LCORL: variants seen among roughly 807,000 people sequenced by gnomAD.
LCORL encodes ligand dependent nuclear receptor corepressor like.
In LCORL, 41 loss-of-function variants were observed where a neutral mutation model predicts 141.8. The ratio of observed to expected loss-of-function variants is 0.29; its 90% CI spans 0.23 to 0.38. The LOEUF is 0.38. Among genes scored for constraint, LCORL ranks in the 10% least tolerant of loss-of-function variants. The pLI is 1.00. For missense variants in LCORL, 1,759 were observed against 2,035.0 expected (o/e 0.86, Z 2.61); for synonymous variants, 618 against 694.1 (o/e 0.89, Z 1.72).
At chr4:17,930,138 C>T (rs901899924) in intron 4 of LCORL, among the ~76,000 whole-genome samples, 8 of 152,040 alleles carry the variant, frequency 5.3e-5, no homozygotes, top group East Asian at 3.9e-4. Flanking sequence ...AAACTGGAAC[C>T]CTCATACAAT....
intron 4 of LCORL, among the ~76,000 whole-genome samples, chr4:17,924,079 A>G (rs1734731631): frequency 6.6e-6 from 1 of 151,960 alleles, no homozygotes; most frequent in South Asian, 2.1e-4. Context: ...TTTTGGCTAG[A>G]TGGTCATGGA....
intron 4 of LCORL, among the ~76,000 whole-genome samples, chr4:17,949,851 A>G (rs1247225896): frequency 1.3e-5 from 2 of 152,172 alleles, no homozygotes; most frequent in African/African-American, 4.8e-5. Context: ...TACAAACTAC[A>G]TAATTTGAGG....
At chr4:18,019,487 A>G (rs537718256) in intron 1 of LCORL, among the ~76,000 whole-genome samples, 5 of 152,374 alleles carry the variant, frequency 3.3e-5, no homozygotes, top group African/African-American at 4.8e-5. Flanking sequence ...TATTGCAATA[A>G]AAGTGTAATA....
chr4:18,011,219 T>C (rs529997801), intron 1 of LCORL, among the ~76,000 whole-genome samples: 1 of 152,282 alleles, frequency 6.6e-6, no homozygotes, highest in East Asian at 1.9e-4. Context: ...CTCCTTGTTT[T>C]ATTTCTCAAG....
chr4:18,017,052 T>C (rs1379544876), intron 1 of LCORL, among the ~76,000 whole-genome samples: 1 of 152,130 alleles, frequency 6.6e-6, no homozygotes, highest in African/African-American at 2.4e-5. Context: ...AAAATTAAGC[T>C]GGAGTATCTT....
chr4:17,908,174 A>G (rs998721855), intron 5 of LCORL, among the ~76,000 whole-genome samples: 3 of 152,098 alleles, frequency 2.0e-5, no homozygotes, highest in East Asian at 3.9e-4. Context: ...CTGGTATTAC[A>G]GGCATGTGCC....
intron 1 of LCORL, among the ~76,000 whole-genome samples, chr4:18,010,396 G>C (rs926329807): frequency 2.6e-4 from 40 of 151,422 alleles, no homozygotes; most frequent in African/African-American, 8.0e-4. Context: ...ATGTGTGTGT[G>C]TCTGTGTGTG....
chr4:17,960,679 C>T (rs1713595473), intron 4 of LCORL, among the ~76,000 whole-genome samples: 1 of 152,050 alleles, frequency 6.6e-6, no homozygotes, highest in African/African-American at 2.4e-5. Flanking sequence ...TGGCCTTGAA[C>T]AAATGGGCTG....
At chr4:17,974,944 GT>G (rs1433824948) in intron 1 of LCORL, among the ~76,000 whole-genome samples, 1 of 151,948 alleles carries the variant, frequency 6.6e-6, no homozygotes, top group East Asian at 1.9e-4. Context: ...CCTGGTATCA[GT>G]TTAGGTATCG....
At chr4:17,862,114 C>T (rs975627270) in intron 7 of LCORL, among the ~76,000 whole-genome samples, 3 of 152,114 alleles carry the variant, frequency 2.0e-5, no homozygotes, top group Admixed American at 2.0e-4. Flanking sequence ...CAGCAGCACC[C>T]CACTCTTGGT....
At chr4:17,919,477 A>G (rs1224956627) in intron 4 of LCORL, among the ~76,000 whole-genome samples, 1 of 152,226 alleles carries the variant, frequency 6.6e-6, no homozygotes, top group Non-Finnish European at 1.5e-5. Context: ...CACATATTAG[A>G]TATTGCAGGT....
chr4:18,013,184 T>C (rs1380268496), intron 1 of LCORL, among the ~76,000 whole-genome samples: 3 of 151,814 alleles, frequency 2.0e-5, no homozygotes, highest in Admixed American at 6.6e-5. Context: ...GATTTGGTAA[T>C]ACCACTCCCT....
At chr4:17,965,626 G>C (rs780035869) in intron 2 of LCORL, among the ~76,000 whole-genome samples, 6 of 152,076 alleles carry the variant, frequency 3.9e-5, no homozygotes, top group Non-Finnish European at 8.8e-5. Flanking sequence ...AATCTGGCTT[G>C]AATCATTTTA....
At chr4:17,886,609 T>C (rs1728302380) in intron 5 of LCORL, among the ~76,000 whole-genome samples, 1 of 152,080 alleles carries the variant, frequency 6.6e-6, no homozygotes, top group Non-Finnish European at 1.5e-5. Flanking sequence ...TTACTAGGAC[T>C]AGCAAAAGGT....
At chr4:17,965,048 T>C (rs1007766069) in intron 2 of LCORL, among the ~76,000 whole-genome samples, 1 of 152,106 alleles carries the variant, frequency 6.6e-6, no homozygotes, top group African/African-American at 2.4e-5. Context: ...TAAGATAATA[T>C]CAAGGCATCC....
intron 4 of LCORL, among the ~76,000 whole-genome samples, chr4:17,940,636 A>G (rs1042614561): frequency 2.0e-5 from 3 of 151,820 alleles, no homozygotes; most frequent in African/African-American, 7.2e-5. Flanking sequence ...AAAAATATTT[A>G]TGATTTCTAT....
chr4:17,857,284 GAGA>G (rs1250694480), intron 7 of LCORL, among the ~76,000 whole-genome samples: 2 of 152,092 alleles, frequency 1.3e-5, no homozygotes, highest in Non-Finnish European at 2.9e-5. Flanking sequence ...AGAAAGGAGA[GAGA>G]AGGAGACAGA....
intron 4 of LCORL, among the ~76,000 whole-genome samples, chr4:17,937,038 TA>T (rs1736979890): frequency 6.6e-6 from 1 of 152,196 alleles, no homozygotes; most frequent in African/African-American, 2.4e-5. Flanking sequence ...CATATAGGGC[TA>T]AAAAATTTAT....
chr4:17,900,792 T>C (rs780363930), intron 5 of LCORL, among the ~76,000 whole-genome samples: 13 of 152,002 alleles, frequency 8.6e-5, no homozygotes, highest in East Asian at 1.9e-4. Flanking sequence ...GAGGATAAAA[T>C]AAGAAGATCC....
Sources: allele counts gnomAD v4.1 joint callset (sites outside exome capture counted in the v4.1 genomes callset), GRCh38; gene constraint gnomAD v4.1.1; transcripts MANE v1.5; gene names NCBI Gene and HGNC (gene_info 2026-07-23, HGNC 2026-07-21).